PCDH15: variants seen among roughly 807,000 people sequenced by gnomAD.
The protein encoded by PCDH15 is protocadherin-15.
Under a neutral mutation model 178.5 loss-of-function variants are expected in PCDH15, and 129 were observed. That is an observed-to-expected ratio of 0.72 (90% CI 0.63 to 0.84). The LOEUF (loss-of-function observed/expected upper bound fraction) is 0.84, where lower values mean the gene tolerates loss of function less well. Ranked by LOEUF, PCDH15 falls within the 40% of genes least tolerant of loss-of-function variation. The probability of loss-of-function intolerance (pLI) is 0.00; values close to 1 mark genes in which losing one functional copy is unlikely to be tolerated. For missense variants in PCDH15, 2,230 were observed against 2,099.9 expected (o/e 1.06, Z -1.21); for synonymous variants, 800 against 732.0 (o/e 1.09, Z -1.50).
chr10:54,195,658 A>G (rs1284931222), intron 11 of PCDH15, 25 bp downstream of exon 11: 1 of 1,585,526 alleles, frequency 6.3e-7, no homozygotes, highest in African/African-American at 1.4e-5. Flanking sequence ...TACACAAACA[A>G]GAGCAAAATA....
At chr10:55,582,065 C>T (rs1285579433) in intron 2 of PCDH15, among the ~76,000 whole-genome samples, 3 of 152,170 alleles carry the variant, frequency 2.0e-5, no homozygotes, top group Non-Finnish European at 4.4e-5. Context: ...TGTCCTGTGC[C>T]TATGCTAATC....
In PCDH15 at chr10:55,306,056, A is replaced by T. The variant is rs1241450156; in HGVS notation, c.-156+13543T>A. On this transcript the variant is annotated intron_variant, in intron 1 of 5. Coordinates refer to the PCDH15 transcript ENST00000458638. ...ACATTGAATTTACCAATAAAATGGC[A>T]ATCATGTATAATTTTAAATGTAAAT... Among the ~76,000 whole-genome samples, 5 of 152,220 alleles carry T rather than the reference A, an allele frequency of 3.3e-5. No homozygotes were observed. In the South Asian group the frequency reaches 8.3e-4, roughly 25 times the overall value.
At chr10:54,010,340 C>G (rs1172257235) in intron 20 of PCDH15, among the ~76,000 whole-genome samples, 1 of 152,114 alleles carries the variant, frequency 6.6e-6, no homozygotes, top group Non-Finnish European at 1.5e-5. Context: ...AACCCCCGAC[C>G]TGGGCTCTTG....
At chr10:54,335,373 G>A (rs1487227348) in intron 6 of PCDH15, among the ~76,000 whole-genome samples, 3 of 152,192 alleles carry the variant, frequency 2.0e-5, no homozygotes, top group African/African-American at 7.2e-5. Context: ...CATACTCTGT[G>A]TTCTCAGAAA....
Position 53,840,408 on chromosome 10 carries a change from A to C in PCDH15, c.3895T>G (p.Ser1299Ala). ...IGARRHGDAF[S>A]LEDYTKCDLT... is the part of the protein sequence containing the mutation. Reference sequence around the variant, plus strand: ...TCACATTTGGTGTAATCTTCTAGGGAAAAGGCATCTCCATGCCGGCGAGCT... The same window carrying C: ...TCACATTTGGTGTAATCTTCTAGGGCAAAGGCATCTCCATGCCGGCGAGCT... Residue 1299 changes from serine to alanine, a missense_variant, in exon 29 of 38, where the codon TCC (serine) becomes GCC (alanine). Ser to Ala is a moderately conservative substitution (Grantham distance 99). Coordinates refer to ENST00000644397, the MANE Select transcript of PCDH15 (RefSeq NM_001384140.1). 1.2e-6 allele frequency: 2 copies of C among 1,613,866 alleles called. No homozygotes were observed.
chr10:54,335,876 G>A (rs1431828403), intron 6 of PCDH15, among the ~76,000 whole-genome samples: 1 of 152,130 alleles, frequency 6.6e-6, no homozygotes, highest in Non-Finnish European at 1.5e-5. Flanking sequence ...CAGTTTGGAG[G>A]GCTCAGAAGG....
intron 2 of PCDH15, among the ~76,000 whole-genome samples, chr10:55,090,184 A>G (rs1235114328): frequency 6.6e-6 from 1 of 152,056 alleles, no homozygotes; most frequent in African/African-American, 2.4e-5. Context: ...AATGTTATAG[A>G]AAAGATGAAC....
chr10:55,154,339 G>A (rs754649937), intron 2 of PCDH15, among the ~76,000 whole-genome samples: 2 of 152,044 alleles, frequency 1.3e-5, no homozygotes, highest in Admixed American at 6.6e-5. Context: ...ATTTGTATTA[G>A]GGATAACGTG....
At chr10:53,953,757 A>G (rs1007866684) in intron 23 of PCDH15, among the ~76,000 whole-genome samples, 1 of 152,094 alleles carries the variant, frequency 6.6e-6, no homozygotes, top group Non-Finnish European at 1.5e-5. Context: ...CATTAGCAGA[A>G]AGTAAAGAAG....
At chr10:54,305,820 G>T (rs943296056) in intron 8 of PCDH15, among the ~76,000 whole-genome samples, 1 of 151,034 alleles carries the variant, frequency 6.6e-6, no homozygotes, top group African/African-American at 2.4e-5. Flanking sequence ...TAGCAGAAGA[G>T]AATATTCTGG....
intron 2 of PCDH15, among the ~76,000 whole-genome samples, chr10:54,980,696 C>G (rs922994917): frequency 2.0e-5 from 3 of 151,938 alleles, no homozygotes; most frequent in African/African-American, 7.2e-5. Flanking sequence ...GTTTGATTCT[C>G]TACTTTTCTT....
At chr10:55,176,899 C>G (rs564880693) in intron 1 of PCDH15, among the ~76,000 whole-genome samples, 1 of 152,254 alleles carries the variant, frequency 6.6e-6, no homozygotes, top group Admixed American at 6.5e-5. Flanking sequence ...GAGACAGGCC[C>G]TACCTGTTTG....
chr10:54,001,922 T>A, intron 20 of PCDH15, among the ~76,000 whole-genome samples: 1 of 151,714 alleles, frequency 6.6e-6, no homozygotes, highest in Non-Finnish European at 1.5e-5. Flanking sequence ...AGCAGGAATA[T>A]CTGCAATTAC....
intron 2 of PCDH15, among the ~76,000 whole-genome samples, chr10:55,003,806 C>T (rs941917432): frequency 1.3e-5 from 2 of 152,220 alleles, no homozygotes; most frequent in Non-Finnish European, 2.9e-5. Context: ...CTTATCTACA[C>T]ATTCCTTTGC....
chr10:54,685,855 G>C (rs543272261), intron 1 of PCDH15, among the ~76,000 whole-genome samples: 1 of 152,100 alleles, frequency 6.6e-6, no homozygotes, highest in African/African-American at 2.4e-5. Context: ...CTGAAGTAAA[G>C]TTTCCACTGA....
intron 18 of PCDH15, among the ~76,000 whole-genome samples, chr10:54,053,363 A>C (rs112215165): frequency 0.038 from 5,809 of 152,296 alleles, 174 homozygotes; most frequent in Middle Eastern, 0.065. Flanking sequence ...ATGTATGTAC[A>C]TACATTATGC....
intron 2 of PCDH15, among the ~76,000 whole-genome samples, chr10:55,357,813 G>A (rs900893801): frequency 6.6e-6 from 1 of 151,994 alleles, no homozygotes; most frequent in Non-Finnish European, 1.5e-5. Context: ...AATAAAAAGT[G>A]CTCAAACTCA....
At chr10:54,899,727 C>T (rs1591771044) in intron 2 of PCDH15, among the ~76,000 whole-genome samples, 1 of 152,138 alleles carries the variant, frequency 6.6e-6, no homozygotes, top group South Asian at 2.1e-4. Flanking sequence ...GAACTTCTGA[C>T]GTTGTGATCC....
At chr10:54,126,072 A>ATT (rs5785039) in intron 15 of PCDH15, among the ~76,000 whole-genome samples, 12,259 of 139,120 alleles carry the variant, frequency 0.088, 847 homozygotes, top group African/African-American at 0.18. Flanking sequence ...AAGAATTACC[A>ATT]TTTTTTTTTT....
Sources: gnomAD v4.1 joint callset for allele counts (sites outside exome capture counted in the v4.1 genomes callset) on GRCh38, gnomAD v4.1.1 for gene constraint, MANE v1.5 for transcripts, NCBI Gene and HGNC (gene_info 2026-07-23, HGNC 2026-07-21) for gene names.